The following UBE2E2 variants were observed in gnomAD, a reference collection of about 807,000 sequenced individuals.
UBE2E2 encodes ubiquitin-conjugating enzyme E2 E2.
In UBE2E2, 6 loss-of-function variants were observed where a neutral mutation model predicts 24.7. The ratio of observed to expected loss-of-function variants is 0.24; its 90% confidence interval spans 0.13 to 0.48. UBE2E2 has a LOEUF of 0.48. Among genes scored for constraint, UBE2E2 ranks in the 20% least tolerant of loss-of-function variants. The pLI is 0.99. For missense variants in UBE2E2, 169 were observed against 245.0 expected (o/e 0.69, Z 2.07); for synonymous variants, 104 against 83.6 (o/e 1.24, Z -1.33).
chr3:23,541,449 T>G (rs904713218), intron 5 of UBE2E2, among the ~76,000 whole-genome samples: 3 of 152,246 alleles, frequency 2.0e-5, no homozygotes, highest in Non-Finnish European at 2.9e-5. Context: ...GAGCTTAATG[T>G]GTATTATGGC....
At chr3:23,485,144 G>A (rs1200011284) in intron 3 of UBE2E2, among the ~76,000 whole-genome samples, 1 of 145,202 alleles carries the variant, frequency 6.9e-6, no homozygotes, top group Non-Finnish European at 1.5e-5. Flanking sequence ...ACCCAAGCTG[G>A]AGTGCAGTGG....
At chr3:23,261,751 T>G (rs1473411578) in intron 3 of UBE2E2, among the ~76,000 whole-genome samples, 1 of 152,238 alleles carries the variant, frequency 6.6e-6, no homozygotes, top group Non-Finnish European at 1.5e-5. Flanking sequence ...TCACTTAGCA[T>G]AATGCGCTTC....
rs1038093995 is a variant in UBE2E2 at position 23,464,619 on chromosome 3, C to A, written c.228-34989C>A. Among the ~76,000 whole-genome samples, 6 of 152,080 alleles carry A rather than the reference C, an allele frequency of 3.9e-5. No homozygotes were observed. The East Asian group carries it at 5.8e-4, about 15-fold the overall frequency. On this transcript the variant is annotated intron_variant, in intron 3 of 5. Transcript: ENST00000396703. The stretch of plus-strand genomic sequence containing the variant: ...AAATAAATTAACTGTGACCTTAAAT[C>A]AAAATTTAATTATGTAGTACCTATT...
At chr3:23,241,739 A>T (rs1697264914) in intron 3 of UBE2E2, among the ~76,000 whole-genome samples, 1 of 152,130 alleles carries the variant, frequency 6.6e-6, no homozygotes, top group Non-Finnish European at 1.5e-5. Flanking sequence ...CCCTCCCATT[A>T]GAATGTGAAT....
chr3:23,473,405 G>A (rs926451979), intron 3 of UBE2E2, among the ~76,000 whole-genome samples: 1 of 151,984 alleles, frequency 6.6e-6, no homozygotes, highest in African/African-American at 2.4e-5. Flanking sequence ...TTTGTGGTTG[G>A]GAAAGCTAGA....
At chr3:23,467,706 T>C (rs569988274) in intron 3 of UBE2E2, among the ~76,000 whole-genome samples, 1 of 152,314 alleles carries the variant, frequency 6.6e-6, no homozygotes, top group South Asian at 2.1e-4. Context: ...TAAGTAGCTA[T>C]ATTAGTACGT....
intron 3 of UBE2E2, among the ~76,000 whole-genome samples, chr3:23,359,971 T>A (rs9758590): frequency 0.84 from 126,781 of 151,612 alleles, 53,053 homozygotes; most frequent in African/African-American, 0.89. Context: ...CAGTCCTCTC[T>A]CTTGATGCCC....
chr3:23,578,151 A>AGTATGTCTTGT (rs1421366374), intron 5 of UBE2E2, among the ~76,000 whole-genome samples: 1 of 152,244 alleles, frequency 6.6e-6, no homozygotes, highest in East Asian at 1.9e-4. Flanking sequence ...TCTCAAAAGA[A>AGTATGTCTTGT]GACATACGTG....
At chr3:23,568,701 A>G (rs1184058141) in intron 5 of UBE2E2, among the ~76,000 whole-genome samples, 1 of 142,598 alleles carries the variant, frequency 7.0e-6, no homozygotes, top group Non-Finnish European at 1.5e-5. Context: ...ACACACATAT[A>G]TATATACATG....
intron 3 of UBE2E2, among the ~76,000 whole-genome samples, chr3:23,279,003 T>C (rs909268438): frequency 1.2e-4 from 19 of 152,168 alleles, no homozygotes; most frequent in African/African-American, 4.1e-4. Flanking sequence ...TTACTGTTCT[T>C]AGAATTTATG....
chr3:23,277,382 A>T (rs566452123), intron 3 of UBE2E2, among the ~76,000 whole-genome samples: 1 of 152,224 alleles, frequency 6.6e-6, no homozygotes, highest in South Asian at 2.1e-4. Context: ...TTGATGGTGT[A>T]GGTTTCAGGC....
At chr3:23,320,713 A>G (rs1575559106) in intron 3 of UBE2E2, among the ~76,000 whole-genome samples, 3 of 152,250 alleles carry the variant, frequency 2.0e-5, no homozygotes, top group Admixed American at 2.0e-4. Flanking sequence ...GCGACCTTGG[A>G]TTTGTGTATA....
At chr3:23,430,408 T>C (rs1019533908) in intron 3 of UBE2E2, among the ~76,000 whole-genome samples, 3 of 152,174 alleles carry the variant, frequency 2.0e-5, no homozygotes, top group African/African-American at 7.2e-5. Context: ...ACCTACCTCA[T>C]AGGGCTGTTA....
intron 3 of UBE2E2, among the ~76,000 whole-genome samples, chr3:23,330,731 G>T (rs923481955): frequency 6.6e-6 from 1 of 152,158 alleles, no homozygotes; most frequent in Admixed American, 6.5e-5. Context: ...AGACTTTTCA[G>T]TTCTTTTTGT....
chr3:23,220,689 G>A (rs1485527002), intron 3 of UBE2E2, among the ~76,000 whole-genome samples: 1 of 152,210 alleles, frequency 6.6e-6, no homozygotes, highest in African/African-American at 2.4e-5. Flanking sequence ...GTGCTGGGCA[G>A]TTGGTTAGAA....
Position 23,590,120 on chromosome 3 carries a change from T to C in UBE2E2, c.*289T>C, listed in dbSNP as rs897266780. 1.2e-5 allele frequency: 4 copies of C among 323,708 alleles called. No individual in the cohort carries two copies. The highest frequency in any genetic ancestry group is 2.3e-5 in the Non-Finnish European group (4 of 176,690). 20.1% of individuals were successfully genotyped at this position (323,708 alleles called of 1,614,324 possible). ...CATAGATGGGAACTTTTGTTTTCAG[T>C]GCAAACAATGTTGGAGCTGTAATAG... On this transcript the variant is annotated 3_prime_UTR_variant, in exon 6 of 6. Coordinates refer to ENST00000396703, the MANE Select transcript of UBE2E2 (RefSeq NM_152653.4).
chr3:23,518,848 G>C (rs1694801232), intron 4 of UBE2E2, among the ~76,000 whole-genome samples: 1 of 152,072 alleles, frequency 6.6e-6, no homozygotes, highest in South Asian at 2.1e-4. Context: ...TTGGTCAGCT[G>C]TTAAGACAAT....
chr3:23,517,960 A>G (rs1340044905), intron 4 of UBE2E2, among the ~76,000 whole-genome samples: 3 of 152,194 alleles, frequency 2.0e-5, no homozygotes, highest in African/African-American at 4.8e-5. Flanking sequence ...GGAATAAAAC[A>G]TTAGAAAATG....
At chr3:23,205,457 G>T (rs1696121954) in intron 1 of UBE2E2, among the ~76,000 whole-genome samples, 1 of 152,108 alleles carries the variant, frequency 6.6e-6, no homozygotes, top group African/African-American at 2.4e-5. Context: ...TAATTAAATT[G>T]ATTCATAGAC....
Sources: gnomAD v4.1 joint callset for allele counts (sites outside exome capture counted in the v4.1 genomes callset) on GRCh38, gnomAD v4.1.1 for gene constraint, MANE v1.5 for transcripts, NCBI Gene and HGNC (gene_info 2026-07-23, HGNC 2026-07-21) for gene names.